The following ZNF804B variants were observed in gnomAD, a reference collection of about 807,000 sequenced individuals.
The protein encoded by ZNF804B is zinc finger protein 804B.
In ZNF804B, 80 loss-of-function variants were observed where a neutral mutation model predicts 101.4. The observed-to-expected ratio is 0.79, with a 90% CI of 0.66 to 0.95. The LOEUF is 0.95. ZNF804B is among the 40% of genes least tolerant of loss of function. The pLI is 0.00. For missense variants in ZNF804B, 1,673 were observed against 1,561.9 expected, an observed-to-expected ratio of 1.07 and a Z score of -1.20; for synonymous variants, 622 against 558.8, an observed-to-expected ratio of 1.11 and a Z score of -1.59.
chr7:88,811,775 G>C (rs1707183556), intron 1 of ZNF804B, among the ~76,000 whole-genome samples: 1 of 152,114 alleles, frequency 6.6e-6, no homozygotes, highest in Non-Finnish European at 1.5e-5. Context: ...TGAACAATGA[G>C]AACATATAGA....
At chr7:88,827,921 ATCT>A (rs1382832007) in intron 1 of ZNF804B, among the ~76,000 whole-genome samples, 13 of 152,260 alleles carry the variant, frequency 8.5e-5, no homozygotes, top group East Asian at 3.9e-4. Flanking sequence ...AGATACAAAA[ATCT>A]TCTTTTTTTC....
intron 1 of ZNF804B, among the ~76,000 whole-genome samples, chr7:88,882,148 G>A (rs1310627106): frequency 6.6e-6 from 1 of 152,142 alleles, no homozygotes; most frequent in Non-Finnish European, 1.5e-5. Context: ...AAGATTGTAT[G>A]CAGAAGGGCT....
intron 2 of ZNF804B, among the ~76,000 whole-genome samples, chr7:89,236,029 C>T (rs1228858508): frequency 6.6e-6 from 1 of 152,110 alleles, no homozygotes; most frequent in East Asian, 1.9e-4. Flanking sequence ...ATTTTTGTAG[C>T]TTCTCAAATA....
chr7:89,308,791 A>G (rs1790606395), intron 2 of ZNF804B, among the ~76,000 whole-genome samples: 1 of 152,118 alleles, frequency 6.6e-6, no homozygotes, highest in African/African-American at 2.4e-5. Context: ...CAAGGATTCA[A>G]CTCTGCCAAT....
intron 1 of ZNF804B, among the ~76,000 whole-genome samples, chr7:88,772,475 T>C (rs1163542068): frequency 6.6e-6 from 1 of 152,110 alleles, no homozygotes; most frequent in African/African-American, 2.4e-5. Flanking sequence ...TAAAGAGAAA[T>C]GATAATTGGC....
chr7:89,105,383 A>G (rs1412437076), intron 1 of ZNF804B, among the ~76,000 whole-genome samples: 4 of 152,062 alleles, frequency 2.6e-5, no homozygotes, highest in Non-Finnish European at 5.9e-5. Flanking sequence ...AATTCCATGG[A>G]TAGCTTTTAA....
chr7:89,281,032 C>T (rs540404581), intron 2 of ZNF804B, among the ~76,000 whole-genome samples: 1 of 152,262 alleles, frequency 6.6e-6, no homozygotes, highest in African/African-American at 2.4e-5. Context: ...TCTTTCACTT[C>T]ATGATTGATG....
rs746327202 is a variant in ZNF804B at position 89,136,762 on chromosome 7, T to TGC, written c.109-81392_109-81391insCG. The stretch of plus-strand genomic sequence containing the variant: ...GTGTGTGTGTGTGTGTGTGTGTGTG[T>TGC]GTGCGCGCACGTGTGTGATGATTTG... On this transcript the variant is annotated intron_variant, in intron 1 of 3. Transcript: ENST00000333190. Among the ~76,000 whole-genome samples, 109 of 134,504 alleles carry TGC rather than the reference T, an allele frequency of 8.1e-4. 1 individual carries two copies. The highest frequency in any genetic ancestry group is 3.8e-3 in the Middle Eastern group (1 of 260). The allele number at this position is 134,504 out of a possible 152,430, so 88.2% of individuals were successfully genotyped here. A position where few individuals can be genotyped will look rare whatever the true frequency, so the allele number is the denominator to read the frequency against.
chr7:89,290,711 C>T (rs1790275919), intron 2 of ZNF804B, among the ~76,000 whole-genome samples: 1 of 152,092 alleles, frequency 6.6e-6, no homozygotes, highest in African/African-American at 2.4e-5. Context: ...AGCCACGGTA[C>T]AACAGAACAC....
chr7:88,930,002 GT>G (rs1173219030), intron 1 of ZNF804B, among the ~76,000 whole-genome samples: 1 of 151,802 alleles, frequency 6.6e-6, no homozygotes, highest in Non-Finnish European at 1.5e-5. Context: ...CAAAATGTAT[GT>G]TTTGGTTCTA....
intron 1 of ZNF804B, among the ~76,000 whole-genome samples, chr7:89,101,398 T>G (rs930376648): frequency 1.3e-5 from 2 of 152,034 alleles, no homozygotes; most frequent in African/African-American, 4.8e-5. Context: ...ATTCTCTATT[T>G]GATATACAGT....
intron 1 of ZNF804B, among the ~76,000 whole-genome samples, chr7:88,981,176 CT>C (rs1285111715): frequency 6.6e-6 from 1 of 152,066 alleles, no homozygotes; most frequent in Admixed American, 6.6e-5. Flanking sequence ...CTGCCTACCA[CT>C]GACGTTTATT....
chr7:89,191,641 A>T (rs2115615103), intron 1 of ZNF804B, among the ~76,000 whole-genome samples: 1 of 152,256 alleles, frequency 6.6e-6, no homozygotes, highest in South Asian at 2.1e-4. Flanking sequence ...GTAATGAATC[A>T]TGAAATCTAT....
At chr7:89,209,177 T>C (rs918027028) in intron 1 of ZNF804B, among the ~76,000 whole-genome samples, 3 of 152,172 alleles carry the variant, frequency 2.0e-5, no homozygotes, top group Admixed American at 6.5e-5. Context: ...AGTCAGAAAT[T>C]TGTCATTCTT....
intron 2 of ZNF804B, among the ~76,000 whole-genome samples, chr7:89,285,885 T>TTAGAAAAAAAAA (rs1790189534): frequency 2.0e-5 from 3 of 152,142 alleles, no homozygotes; most frequent in African/African-American, 7.2e-5. Context: ...CTTTTGCCTC[T>TTAGAAAAAAAAA]GTCACCCTGA....
At chr7:88,921,449 G>T (rs567983823) in intron 1 of ZNF804B, among the ~76,000 whole-genome samples, 1 of 152,172 alleles carries the variant, frequency 6.6e-6, no homozygotes, top group African/African-American at 2.4e-5. Flanking sequence ...CACCCAAAGG[G>T]AGTATTTTAA....
At position 88,939,373 on chromosome 7, in the gene ZNF804B, A is replaced by G. The variant is rs990302147; in HGVS notation, c.108+179289A>G. 4.6e-5 allele frequency among the ~76,000 whole-genome samples: 7 copies of G among 151,930 alleles called. No individual in the cohort carries two copies. The East Asian group carries it at 1.4e-3, about 29-fold the overall frequency. On this transcript the variant is annotated intron_variant, in intron 1 of 3. Transcript: ENST00000333190. The stretch of plus-strand genomic sequence containing the variant: ...GTTGTAATGTTAATATTTATTTTTA[A>G]TATTTTTAATCTGTGTTTGGTTGAA...
intron 1 of ZNF804B, among the ~76,000 whole-genome samples, chr7:89,073,087 A>C (rs1452597673): frequency 6.6e-6 from 1 of 152,162 alleles, no homozygotes; most frequent in African/African-American, 2.4e-5. Flanking sequence ...TATTTCTAGT[A>C]ATTTCTGTCA....
At chr7:88,781,105 T>A (rs890273527) in intron 1 of ZNF804B, among the ~76,000 whole-genome samples, 1 of 152,192 alleles carries the variant, frequency 6.6e-6, no homozygotes, top group Non-Finnish European at 1.5e-5. Flanking sequence ...ATCTTAGAAT[T>A]TGAGTTCTTT....
Sources: allele counts gnomAD v4.1 joint callset (sites outside exome capture counted in the v4.1 genomes callset), GRCh38; gene constraint gnomAD v4.1.1; transcripts MANE v1.5; gene names NCBI Gene and HGNC (gene_info 2026-07-23, HGNC 2026-07-21).